The following ARHGAP44 variants were observed in gnomAD, a reference collection of about 807,000 sequenced individuals.
The protein encoded by ARHGAP44 is rho GTPase-activating protein 44.
ARHGAP44 carries 43 observed loss-of-function variants against 106.8 expected under a neutral mutation model. The ratio of observed to expected loss-of-function variants is 0.40; its 90% CI spans 0.32 to 0.52. The LOEUF (loss-of-function observed/expected upper bound fraction) is 0.52. Ranked by LOEUF, ARHGAP44 falls within the 20% of genes least tolerant of loss-of-function variation. The pLI is 0.48. For synonymous variants in ARHGAP44, 439 were observed against 410.3 expected, an observed-to-expected ratio of 1.07 and a Z score of -0.85; for missense variants, 866 against 1,050.5, an observed-to-expected ratio of 0.82 and a Z score of 2.43.
intron 1 of ARHGAP44, among the ~76,000 whole-genome samples, chr17:12,843,110 A>C (rs2035465392): frequency 6.6e-6 from 1 of 151,652 alleles, no homozygotes; most frequent in Non-Finnish European, 1.5e-5. Context: ...GTGTAAATAA[A>C]TGCTGTGCCT....
chr17:12,913,105 A>T (rs952583964), intron 4 of ARHGAP44, among the ~76,000 whole-genome samples: 10 of 152,238 alleles, frequency 6.6e-5, no homozygotes, highest in Non-Finnish European at 1.3e-4. Context: ...TAATTCAAGA[A>T]GATGAAATTC....
chr17:12,889,432 G>A lies in ARHGAP44; in HGVS notation c.54-5508G>A, dbSNP rs74321559. ...AACACATGGGTGAGAGAGCAAGAGG[G>A]GGCCAACCTTGTCCTTTTATAAGAA... On this transcript the variant is annotated intron_variant, in intron 1 of 20. Coordinates refer to ENST00000379672, the MANE Select transcript of ARHGAP44 (RefSeq NM_014859.6). Among the ~76,000 whole-genome samples, 1,170 of 152,236 alleles carry A rather than the reference G, an allele frequency of 7.7e-3. 51 individuals are homozygous for A. In the East Asian group the frequency reaches 0.14, roughly 18 times the overall value.
rs12601695 is a variant in ARHGAP44 at position 12,913,813 on chromosome 17, T to C, written c.276-2087T>C. On this transcript the variant is annotated intron_variant, in intron 4 of 20. Transcript: ENST00000379672. ...TGAAACCCTGTCTCTACTAAAAATA[T>C]AAAAAATTAGCTGGGTGCAGTGGTG... Among the ~76,000 whole-genome samples, 562 of 151,208 alleles carry C rather than the reference T, an allele frequency of 3.7e-3. 18 individuals carry two copies. The East Asian group carries it at 0.068, about 18-fold the overall frequency.
intron 16 of ARHGAP44, among the ~76,000 whole-genome samples, chr17:12,964,387 A>G (rs1193705266): frequency 6.6e-6 from 1 of 152,192 alleles, no homozygotes; most frequent in Non-Finnish European, 1.5e-5. Flanking sequence ...TTTGGACTCC[A>G]AGCATTTGTC....
intron 1 of ARHGAP44, among the ~76,000 whole-genome samples, chr17:12,859,329 T>C (rs1411164730): frequency 1.3e-5 from 2 of 152,218 alleles, no homozygotes; most frequent in African/African-American, 2.4e-5. Context: ...GCTGCCAAAC[T>C]GTGTGGCAAT....
chr17:12,949,050 T>G lies in ARHGAP44; in HGVS notation c.862-90T>G. On this transcript the variant is annotated intron_variant, in intron 10 of 20. Transcript: ENST00000379672. The surrounding 1 kb of genome is among the most constrained non-coding windows in gnomAD (Gnocchi z 4.1). ...TTGGGCAAATGCATGTAAGAGGTTT[T>G]GGAGAAAAGAAGCAGGCAGTTGCGG... 7.9e-7 allele frequency: 1 copy of G among 1,265,066 alleles called. No homozygotes were observed. The highest frequency in any genetic ancestry group is 1.1e-6 in the Non-Finnish European group (1 of 897,952). The allele number at this position is 1,265,066 out of a possible 1,614,324, so 78.4% of individuals were successfully genotyped here. A position where few individuals can be genotyped will look rare whatever the true frequency, so the allele number is the denominator to read the frequency against.
intron 16 of ARHGAP44, among the ~76,000 whole-genome samples, chr17:12,963,061 A>G (rs554433548): frequency 0.1 from 15,037 of 150,858 alleles, 1,025 homozygotes; most frequent in South Asian, 0.2. Context: ...AAAAAAAAAA[A>G]AAAAAAAAAG....
intron 16 of ARHGAP44, among the ~76,000 whole-genome samples, chr17:12,968,773 T>TTC (rs2039454804): frequency 8.2e-6 from 1 of 121,816 alleles, no homozygotes; most frequent in Non-Finnish European, 1.6e-5. Context: ...ATTTCTTTTC[T>TTC]TTTTTTTTTT....
At chr17:12,908,748 C>G in intron 3 of ARHGAP44, 149 bp from the exon 4 acceptor site, 1 of 602,756 alleles carries the variant, frequency 1.7e-6, no homozygotes, top group South Asian at 2.0e-5. Context: ...TCATGGTGCA[C>G]TATGAATTTC....
At chr17:12,964,250 A>G (rs1453493965) in intron 16 of ARHGAP44, among the ~76,000 whole-genome samples, 1 of 152,164 alleles carries the variant, frequency 6.6e-6, no homozygotes, top group Non-Finnish European at 1.5e-5. Context: ...AGTCCCTTCT[A>G]TTTCTCTGAC....
intron 16 of ARHGAP44, among the ~76,000 whole-genome samples, chr17:12,968,767 C>A (rs1368815460): frequency 6.8e-6 from 1 of 147,324 alleles, no homozygotes; most frequent in Non-Finnish European, 1.5e-5. Context: ...TCTTTTATTT[C>A]TTTTCTTTTT....
At chr17:12,856,121 C>T (rs2035904438) in intron 1 of ARHGAP44, among the ~76,000 whole-genome samples, 1 of 152,228 alleles carries the variant, frequency 6.6e-6, no homozygotes, top group Admixed American at 6.5e-5. Flanking sequence ...TGAGGGGCCA[C>T]ATCTCCTATT....
chr17:12,836,952 A>C (rs1394888690), intron 1 of ARHGAP44, among the ~76,000 whole-genome samples: 1 of 152,206 alleles, frequency 6.6e-6, no homozygotes, highest in African/African-American at 2.4e-5. Context: ...AGAATACTTC[A>C]CTCAACAATA....
intron 16 of ARHGAP44, among the ~76,000 whole-genome samples, chr17:12,972,844 G>A (rs2039564799): frequency 6.6e-6 from 1 of 151,674 alleles, no homozygotes; most frequent in African/African-American, 2.4e-5. Flanking sequence ...TGTATTTTTA[G>A]TAGAGATGGG....
chr17:12,987,768 C>T (rs140495096), intron 20 of ARHGAP44: 1 of 152,422 alleles, frequency 6.6e-6, no homozygotes, highest in Non-Finnish European at 1.5e-5. Flanking sequence ...CGCTCCCCTT[C>T]TCCCTCATCC....
At chr17:12,833,842 C>A (rs945382583) in intron 1 of ARHGAP44, among the ~76,000 whole-genome samples, 1 of 152,010 alleles carries the variant, frequency 6.6e-6, no homozygotes, top group African/African-American at 2.4e-5. Context: ...TGAAAAAGTT[C>A]TTATCAATAG....
In ARHGAP44 at chr17:12,908,990, C is replaced by T. The variant is rs777314750; in HGVS notation, c.275+17C>T. ...ACTTCTTGGGTAAGGTGACACCTTG[C>T]GTGAGTTTGGTGCCAAATCTAAGTA... On this transcript the variant is annotated intron_variant, in intron 4 of 20. Coordinates refer to ENST00000379672, the MANE Select transcript of ARHGAP44 (RefSeq NM_014859.6). 46 of 1,572,014 alleles carry T rather than the reference C, an allele frequency of 2.9e-5. No individual in the cohort carries two copies. Among genetic ancestry groups the T allele is most frequent in the Middle Eastern group, 1.7e-4 (1 of 5,946 alleles).
intron 1 of ARHGAP44, among the ~76,000 whole-genome samples, chr17:12,869,432 TA>T (rs1365131624): frequency 1.4e-4 from 4 of 27,940 alleles, no homozygotes; most frequent in Non-Finnish European, 4.0e-4. Context: ...TTGTCATTTT[TA>T]AATTTTTTTT....
intron 1 of ARHGAP44, among the ~76,000 whole-genome samples, chr17:12,870,982 T>C (rs2036389916): frequency 6.6e-6 from 1 of 152,202 alleles, no homozygotes; most frequent in South Asian, 2.1e-4. Flanking sequence ...CTTCTTTTAC[T>C]TTCTTTCCCG....
Sources: gnomAD v4.1 joint callset for allele counts (sites outside exome capture counted in the v4.1 genomes callset) on GRCh38, gnomAD v4.1.1 for gene constraint, Gnocchi (gnomAD v3.1) non-coding constraint, MANE v1.5 for transcripts, NCBI Gene and HGNC (gene_info 2026-07-23, HGNC 2026-07-21) for gene names.